The following TBC1D32 variants were observed in gnomAD, a reference collection of about 807,000 sequenced individuals.
TBC1D32 encodes the protein protein broad-minded.
In TBC1D32, 151 loss-of-function variants were observed where a neutral mutation model predicts 170.3. That is an observed-to-expected ratio of 0.89 (90% CI 0.78 to 1.01). The LOEUF is 1.01. Among genes scored for constraint, TBC1D32 ranks in the 50% least tolerant of loss-of-function variants. TBC1D32 has a pLI of 0.00. For synonymous variants in TBC1D32, 498 were observed against 488.0 expected (o/e 1.02, Z -0.27); for missense variants, 1,464 against 1,457.1 (o/e 1.00, Z -0.08).
intron 24 of TBC1D32, among the ~76,000 whole-genome samples, chr6:121,150,508 T>C (rs762549825): frequency 7.2e-5 from 11 of 152,214 alleles, no homozygotes; most frequent in Non-Finnish European, 1.3e-4. Flanking sequence ...AGGATGATGC[T>C]GGCCTCATGA....
At position 121,334,362 on chromosome 6, in the gene TBC1D32, C is replaced by G; in HGVS notation, c.69G>C (p.Val23=). Residue 23 remains valine, a synonymous_variant, in exon 1 of 32, where the codon GTG becomes GTC. Coordinates refer to ENST00000398212, the MANE Select transcript of TBC1D32 (RefSeq NM_152730.6). ...AAGGGGCACCCGTGATTTTCTCCTT[C>G]ACGCTCTGGAACAACCGCCTCAGCA... The part of the protein sequence containing the change: ...QAMLRRLFQS[V]KEKITGAPSL... The G allele has an allele frequency of 1.9e-6, 3 of 1,614,248 alleles. No homozygotes were observed. The highest frequency in any genetic ancestry group is 2.5e-6 in the Non-Finnish European group (3 of 1,180,036).
chr6:121,116,210 A>G (rs1779663105), intron 26 of TBC1D32, among the ~76,000 whole-genome samples: 1 of 151,412 alleles, frequency 6.6e-6, no homozygotes, highest in African/African-American at 2.4e-5. Flanking sequence ...GGTGTTTCTC[A>G]TACTATCAGT....
chr6:121,279,880 G>A lies in TBC1D32; in HGVS notation c.1609-635C>T, dbSNP rs943769093. On this transcript the variant is annotated intron_variant, in intron 14 of 31. Transcript: ENST00000398212. The stretch of plus-strand genomic sequence containing the variant: ...ACCAGAGAGCCATGTTAATGCTAGA[G>A]TGTATCTACAGTATTATAATTCCTG... Among the ~76,000 whole-genome samples, 5 of 151,874 alleles carry A rather than the reference G, an allele frequency of 3.3e-5. No homozygotes were observed. The East Asian group carries it at 9.6e-4, about 29-fold the overall frequency.
At chr6:121,122,265 C>G (rs1426176525) in intron 26 of TBC1D32, among the ~76,000 whole-genome samples, 1 of 152,060 alleles carries the variant, frequency 6.6e-6, no homozygotes, top group Non-Finnish European at 1.5e-5. Flanking sequence ...TTTTCAATAG[C>G]CTCTTAACTC....
At chr6:121,251,051 T>A (rs1798224691) in intron 17 of TBC1D32, among the ~76,000 whole-genome samples, 1 of 152,062 alleles carries the variant, frequency 6.6e-6, no homozygotes, top group South Asian at 2.1e-4. Context: ...CAGGGAGAGC[T>A]ACAAACTACT....
At chr6:121,222,255 T>A (rs1583281189) in intron 21 of TBC1D32, among the ~76,000 whole-genome samples, 1 of 152,314 alleles carries the variant, frequency 6.6e-6, no homozygotes, top group East Asian at 1.9e-4. Flanking sequence ...AACTTTTACA[T>A]GGGAAAACAA....
intron 11 of TBC1D32, among the ~76,000 whole-genome samples, chr6:121,292,718 G>A (rs1805055298): frequency 1.3e-5 from 2 of 152,142 alleles, no homozygotes; most frequent in South Asian, 2.1e-4. Context: ...CTTCTTTGCA[G>A]GCTAAGAAAA....
intron 24 of TBC1D32, among the ~76,000 whole-genome samples, chr6:121,145,148 A>G (rs1183186588): frequency 6.6e-6 from 1 of 152,102 alleles, no homozygotes; most frequent in Non-Finnish European, 1.5e-5. Flanking sequence ...CAGAAGTGAG[A>G]TTTTAGTGAG....
intron 22 of TBC1D32, among the ~76,000 whole-genome samples, chr6:121,198,046 C>T (rs933006231): frequency 2.7e-5 from 4 of 146,178 alleles, no homozygotes; most frequent in Non-Finnish European, 4.4e-5. Context: ...ACTCCAAGTT[C>T]TTCAGTTTTG....
intron 23 of TBC1D32, 117 bp from the exon 24 acceptor site, chr6:121,160,220 T>C (rs1227726685): frequency 6.1e-6 from 4 of 656,900 alleles, no homozygotes; most frequent in African/African-American, 1.8e-5. Context: ...AATTCTGCAG[T>C]TGTTGCCCAG....
chr6:121,239,798 A>G (rs1019976776), intron 19 of TBC1D32, among the ~76,000 whole-genome samples: 2 of 152,212 alleles, frequency 1.3e-5, no homozygotes, highest in African/African-American at 4.8e-5. Flanking sequence ...AAATTAGTCT[A>G]TTAAAAAATC....
intron 2 of TBC1D32, 45 bp downstream of exon 2, chr6:121,321,588 T>C (rs776854148): frequency 1.3e-6 from 2 of 1,575,372 alleles, no homozygotes; most frequent in Middle Eastern, 1.7e-4. Flanking sequence ...TCAAGACGTC[T>C]TGTTGAAGAA....
rs114019049 is a variant in TBC1D32, at chr6:121,302,799, T to C, written c.1080+818A>G. ...AATTGAGTAAACATGAATCACATAC[T>C]AGACAGGCCAGGTAAGGGCTAACCA... On this transcript the variant is annotated intron_variant, in intron 9 of 31. Transcript: ENST00000398212. Among the ~76,000 whole-genome samples the C allele has an allele frequency of 9.5e-4, 145 of 152,272 alleles. 1 individual carries two copies. Among genetic ancestry groups the C allele is most frequent in the African/African-American group, 3.3e-3 (137 of 41,558 alleles).
intron 21 of TBC1D32, among the ~76,000 whole-genome samples, chr6:121,220,007 TGG>T (rs1794310128): frequency 6.6e-6 from 1 of 152,230 alleles, no homozygotes; most frequent in African/African-American, 2.4e-5. Context: ...TTCCACCAAC[TGG>T]TCATCCACCT....
intron 15 of TBC1D32, among the ~76,000 whole-genome samples, chr6:121,273,266 A>C (rs1347916089): frequency 6.7e-6 from 1 of 150,204 alleles, no homozygotes; most frequent in Admixed American, 6.6e-5. Flanking sequence ...AATTAAAAAG[A>C]AAAGAAAATG....
At chr6:121,311,548 T>C (rs1306393002) in intron 3 of TBC1D32, among the ~76,000 whole-genome samples, 1 of 151,920 alleles carries the variant, frequency 6.6e-6, no homozygotes, top group Non-Finnish European at 1.5e-5. Context: ...GCCAACATGG[T>C]GAAACCCTGT....
At chr6:121,191,230 T>A (rs915140071) in intron 22 of TBC1D32, among the ~76,000 whole-genome samples, 1 of 152,194 alleles carries the variant, frequency 6.6e-6, no homozygotes, top group African/African-American at 2.4e-5. Flanking sequence ...ATATGTATCT[T>A]ACTTAACCAA....
chr6:121,170,375 T>A, intron 22 of TBC1D32: 1 of 1,562,774 alleles, frequency 6.4e-7, no homozygotes, highest in Non-Finnish European at 8.6e-7. Flanking sequence ...AGAAAACTGC[T>A]GTTACTCTGT....
chr6:121,243,115 T>C (rs1797195049), intron 17 of TBC1D32, among the ~76,000 whole-genome samples: 2 of 151,964 alleles, frequency 1.3e-5, no homozygotes, highest in East Asian at 1.9e-4. Flanking sequence ...GAAAATTTTA[T>C]CCATCTAACA....
Sources: allele counts gnomAD v4.1 joint callset (sites outside exome capture counted in the v4.1 genomes callset), GRCh38; gene constraint gnomAD v4.1.1; transcripts MANE v1.5; gene names NCBI Gene and HGNC (gene_info 2026-07-23, HGNC 2026-07-21).